Variants in CREBRF observed in about 807,000 individuals in gnomAD.
CREBRF encodes the protein CREB3 regulatory factor.
Under a neutral mutation model 66.1 loss-of-function variants are expected in CREBRF, and 5 were observed. The ratio of observed to expected loss-of-function variants is 0.08; its 90% CI spans 0.04 to 0.16. The LOEUF (loss-of-function observed/expected upper bound fraction) is 0.16. CREBRF is among the 10% of genes least tolerant of loss of function. The pLI, the probability that CREBRF is intolerant of heterozygous loss-of-function variation, is 1.00. For synonymous variants in CREBRF, 229 were observed against 264.4 expected (o/e 0.87, Z 1.30); for missense variants, 531 against 744.9 (o/e 0.71, Z 3.34).
In CREBRF at chr5:173,135,390, A is replaced by T. The variant is rs1370726615; in HGVS notation, c.*1645A>T. The T allele has an allele frequency of 1.3e-5, 2 of 152,476 alleles. No homozygotes were observed. Among genetic ancestry groups the T allele is most frequent in the Non-Finnish European group, 2.9e-5 (2 of 67,928 alleles). The allele number at this position is 152,476 out of a possible 1,614,324, so 9.4% of individuals were successfully genotyped here. On this transcript the variant is annotated 3_prime_UTR_variant, in exon 9 of 9. Transcript: ENST00000296953. ...AACTGTGTTCAAGCTTTACCTCTTG[A>T]TGAGAAATTTCTTATGTCAAGGCAG...
At chr5:173,103,664 C>T (rs987578542) in intron 4 of CREBRF, among the ~76,000 whole-genome samples, 11 of 152,178 alleles carry the variant, frequency 7.2e-5, no homozygotes, top group Non-Finnish European at 1.5e-4. Context: ...GTTTTAGTCT[C>T]TTTTCTGGAT....
chr5:173,078,081 T>G (rs1158906122), intron 1 of CREBRF, among the ~76,000 whole-genome samples: 1 of 152,212 alleles, frequency 6.6e-6, no homozygotes, highest in Non-Finnish European at 1.5e-5. Flanking sequence ...GGTATATACC[T>G]AGGAGTGGAA....
At chr5:173,128,602 C>T (rs1030768524) in intron 8 of CREBRF, among the ~76,000 whole-genome samples, 26 of 152,060 alleles carry the variant, frequency 1.7e-4, no homozygotes, top group African/African-American at 6.0e-4. Flanking sequence ...ACTAAATCTG[C>T]ATTATGAACT....
chr5:173,080,069 T>A (rs1170759971), intron 1 of CREBRF, among the ~76,000 whole-genome samples: 1 of 152,246 alleles, frequency 6.6e-6, no homozygotes, highest in Non-Finnish European at 1.5e-5. Flanking sequence ...AATGTTGGCA[T>A]ATACCATTAC....
chr5:173,120,389 T>C (rs1476707609), intron 7 of CREBRF, among the ~76,000 whole-genome samples: 2 of 151,694 alleles, frequency 1.3e-5, no homozygotes, highest in Non-Finnish European at 2.9e-5. Context: ...TTCTTTCTTT[T>C]TTTTTTTTGA....
At chr5:173,068,076 TC>T in intron 1 of CREBRF, 1 of 445,698 alleles carries the variant, frequency 2.2e-6, no homozygotes. Context: ...ACTTGTTAGG[TC>T]CTTTTTACCT....
chr5:173,104,956 A>AATCT (rs1404561033), intron 4 of CREBRF, among the ~76,000 whole-genome samples: 1 of 152,146 alleles, frequency 6.6e-6, no homozygotes, highest in African/African-American at 2.4e-5. Flanking sequence ...TGCAGGAAAA[A>AATCT]ATCTATTCAG....
Position 173,089,543 on chromosome 5 carries a change from C to T in CREBRF, c.136-772C>T, listed in dbSNP as rs77537188. On this transcript the variant is annotated intron_variant, in intron 3 of 8. Transcript: ENST00000296953. ...AGTCTTAACTGATATTTGAAATTGA[C>T]ATCTCCAGTGGCACATGCCTGTAAT... Among the ~76,000 whole-genome samples, 576 of 151,718 alleles carry T rather than the reference C, an allele frequency of 3.8e-3. 4 individuals are homozygous for T. The highest frequency in any genetic ancestry group is 0.013 in the African/African-American group (537 of 41,388).
Position 173,090,830 on chromosome 5 carries a change from C to G in CREBRF, c.651C>G (p.Thr217=). ...CAAGCACACAAATCATGGTGAAGAC[C>G]AACATGTATCATAATGAAAAGGTGA... ...PTSSTQIMVK[T]NMYHNEKVNF... is the part of the protein sequence containing the mutation. Residue 217 remains threonine, a synonymous_variant, in exon 4 of 9, where the codon ACC becomes ACG. Transcript: ENST00000296953. This position sits in a 1 kb window ranked among gnomAD's most constrained non-coding sequence, Gnocchi z 4.5. 6.2e-7 allele frequency: 1 copy of G among 1,614,014 alleles called. No individual in the cohort carries two copies. Among genetic ancestry groups the G allele is most frequent in the Non-Finnish European group, 8.5e-7 (1 of 1,180,008 alleles).
chr5:173,111,166 C>T (rs1329941512), intron 6 of CREBRF, among the ~76,000 whole-genome samples: 2 of 152,138 alleles, frequency 1.3e-5, no homozygotes, highest in East Asian at 1.9e-4. Context: ...CTTCCTGCAC[C>T]CATCGCCCCT....
chr5:173,099,115 A>T (rs1457611842), intron 4 of CREBRF, among the ~76,000 whole-genome samples: 1 of 152,058 alleles, frequency 6.6e-6, no homozygotes, highest in Non-Finnish European at 1.5e-5. Context: ...TGCCATTTCC[A>T]TGGAATATCT....
At chr5:173,086,408 G>A in intron 2 of CREBRF, 93 bp from the exon 3 acceptor site, 1 of 1,111,664 alleles carries the variant, frequency 9.0e-7, no homozygotes, top group Non-Finnish European at 1.3e-6. Context: ...AAAAGAATAA[G>A]TTACTTAGTG....
At chr5:173,094,636 T>C (rs903986046) in intron 4 of CREBRF, among the ~76,000 whole-genome samples, 1 of 152,230 alleles carries the variant, frequency 6.6e-6, no homozygotes, top group Non-Finnish European at 1.5e-5. Flanking sequence ...GATTGTTTTC[T>C]TGCTATTACA....
At chr5:173,061,426 C>T (rs1386056159) in intron 1 of CREBRF, among the ~76,000 whole-genome samples, 2 of 152,100 alleles carry the variant, frequency 1.3e-5, no homozygotes, top group African/African-American at 2.4e-5. Flanking sequence ...ATTTTTCCTT[C>T]GTTTACATAT....
At chr5:173,071,557 T>C (rs1309402103) in intron 1 of CREBRF, among the ~76,000 whole-genome samples, 1 of 151,588 alleles carries the variant, frequency 6.6e-6, no homozygotes, top group African/African-American at 2.4e-5. Flanking sequence ...TGGGCCAGGC[T>C]TCTCTCAAAC....
At chr5:173,059,265 C>CTTTTTTTTTT (rs60946984) in intron 1 of CREBRF, among the ~76,000 whole-genome samples, 3 of 65,584 alleles carry the variant, frequency 4.6e-5, no homozygotes, top group Non-Finnish European at 8.1e-5. Context: ...TCTTTTTTTT[C>CTTTTTTTTTT]TTTTTTTTTT....
At chr5:173,117,517 T>TCCCCTC (rs1554126341) in intron 7 of CREBRF, among the ~76,000 whole-genome samples, 9 of 54,326 alleles carry the variant, frequency 1.7e-4, no homozygotes, top group Admixed American at 7.2e-4. Flanking sequence ...TGCCTTCCCT[T>TCCCCTC]CCCTCCCCTC....
At chr5:173,100,138 T>G (rs1351980871) in intron 4 of CREBRF, among the ~76,000 whole-genome samples, 1 of 132,390 alleles carries the variant, frequency 7.6e-6, no homozygotes, top group Non-Finnish European at 1.6e-5. Flanking sequence ...ATAATTTTTT[T>G]TTTTTTTTTT....
intron 4 of CREBRF, among the ~76,000 whole-genome samples, chr5:173,105,225 ATGTGTGTGTGTG>A (rs34768667): frequency 2.2e-4 from 32 of 146,546 alleles, no homozygotes; most frequent in African/African-American, 3.5e-4. Context: ...GTGTGTATAT[ATGTGTGTGTGTG>A]TGTGTGTGTG....
Sources: allele counts gnomAD v4.1 joint callset (sites outside exome capture counted in the v4.1 genomes callset), GRCh38; gene constraint gnomAD v4.1.1; non-coding constraint Gnocchi (gnomAD v3.1); transcripts MANE v1.5; gene names NCBI Gene and HGNC (gene_info 2026-07-23, HGNC 2026-07-21).